The following KIFAP3 variants were observed in gnomAD, a reference collection of about 807,000 sequenced individuals.
KIFAP3 encodes the protein kinesin-associated protein 3.
In KIFAP3, 68 loss-of-function variants were observed where a neutral mutation model predicts 106.5. That is an observed-to-expected ratio of 0.64 (90% CI 0.53 to 0.78). KIFAP3 has a LOEUF of 0.78. KIFAP3 is among the 30% of genes least tolerant of loss of function. The pLI is 0.00. For synonymous variants in KIFAP3, 320 were observed against 311.5 expected (o/e 1.03, Z -0.29); for missense variants, 780 against 941.8 (o/e 0.83, Z 2.25).
At chr1:169,926,483 G>T (rs1392683589) in intron 19 of KIFAP3, among the ~76,000 whole-genome samples, 1 of 152,106 alleles carries the variant, frequency 6.6e-6, no homozygotes, top group Non-Finnish European at 1.5e-5. Context: ...TTACACTATT[G>T]TAGGCTAAAA....
chr1:170,014,429 G>C (rs1668406301), intron 10 of KIFAP3, among the ~76,000 whole-genome samples: 1 of 152,134 alleles, frequency 6.6e-6, no homozygotes, highest in Non-Finnish European at 1.5e-5. Context: ...CTTAGGTAAT[G>C]TTTATTGCTT....
chr1:169,937,383 A>G (rs1663863209), intron 19 of KIFAP3, among the ~76,000 whole-genome samples: 1 of 151,832 alleles, frequency 6.6e-6, no homozygotes, highest in African/African-American at 2.4e-5. Context: ...AAGTAAAATT[A>G]TAAGTATCTT....
intron 10 of KIFAP3, among the ~76,000 whole-genome samples, chr1:170,001,773 A>G (rs1270813164): frequency 1.3e-5 from 2 of 152,194 alleles, no homozygotes; most frequent in Non-Finnish European, 2.9e-5. Context: ...CCTAGTTTCA[A>G]AAAAATGGAA....
chr1:169,945,847 T>C (rs1664414203), intron 19 of KIFAP3, among the ~76,000 whole-genome samples: 1 of 152,204 alleles, frequency 6.6e-6, no homozygotes, highest in Non-Finnish European at 1.5e-5. Flanking sequence ...AGTTTACAAT[T>C]TACTAATGCC....
intron 10 of KIFAP3, among the ~76,000 whole-genome samples, chr1:170,000,740 G>C (rs186850062): frequency 1.3e-4 from 20 of 152,228 alleles, no homozygotes; most frequent in African/African-American, 4.8e-4. Context: ...GTTTAAGACT[G>C]TAACTACATT....
chr1:169,982,112 C>A lies in KIFAP3; in HGVS notation c.1673-15G>T, dbSNP rs771157448. On this transcript the variant is annotated splice_polypyrimidine_tract_variant and intron_variant, in intron 14 of 19. Coordinates refer to ENST00000361580, the MANE Select transcript of KIFAP3 (RefSeq NM_014970.4). ...TTCTGCAGCACCTAGTGAAGTCAAA[C>A]CATAGAAAGTTTTCACTGAAATGTC... 2 of 1,609,502 alleles carry A rather than the reference C, an allele frequency of 1.2e-6. No homozygotes were observed. The highest frequency in any genetic ancestry group is 2.2e-5 in the South Asian group (2 of 89,976).
intron 19 of KIFAP3, among the ~76,000 whole-genome samples, chr1:169,924,770 A>T (rs1663035554): frequency 6.6e-6 from 1 of 152,230 alleles, no homozygotes; most frequent in Non-Finnish European, 1.5e-5. Flanking sequence ...TTTAGTTCAA[A>T]ACCCGGAGAG....
At chr1:170,074,135 A>C (rs1272535447) in intron 1 of KIFAP3, among the ~76,000 whole-genome samples, 3 of 151,948 alleles carry the variant, frequency 2.0e-5, no homozygotes, top group East Asian at 1.9e-4. Flanking sequence ...GAAAAAAAAA[A>C]CAAAAGACGC....
chr1:170,016,468 G>C lies in KIFAP3; in HGVS notation c.1177C>G (p.Leu393Val). The C allele has an allele frequency of 6.2e-7, 1 of 1,601,228 alleles. No homozygotes were observed. The highest frequency in any genetic ancestry group is 1.1e-5 in the South Asian group (1 of 88,510). Residue 393 changes from leucine (L) to valine (V), a missense_variant, in exon 10 of 20, where the codon CTC (leucine) becomes GTC (valine). Leu to Val is a conservative substitution (Grantham distance 32). Around this residue, in one of 3 missense-constraint regions of KIFAP3, gnomAD observed 588 missense variants for 678.9 expected, o/e 0.87. Transcript: ENST00000361580. Reference protein sequence around the residue: ...QVGLLPKLTALLGNDNYKQIA... With the variant: ...QVGLLPKLTAVLGNDNYKQIA... ...TAATTTCTAAAAAGCATACCTAGGA[G>C]TGCAGTGAGCTTGGGAAGCAGTCCA...
chr1:169,923,738 T>G (rs1489439785), intron 19 of KIFAP3, among the ~76,000 whole-genome samples: 1 of 152,222 alleles, frequency 6.6e-6, no homozygotes, highest in Non-Finnish European at 1.5e-5. Context: ...GACGACTTGT[T>G]AGCAATATCA....
At chr1:169,983,459 C>T (rs1233463939) in intron 12 of KIFAP3, 77 bp from the exon 13 acceptor site, 2 of 927,106 alleles carry the variant, frequency 2.2e-6, no homozygotes, top group East Asian at 2.5e-5. Flanking sequence ...TCAAAAAAGC[C>T]ACAACAATTT....
At chr1:169,925,562 A>G (rs1663090325) in intron 19 of KIFAP3, among the ~76,000 whole-genome samples, 1 of 151,968 alleles carries the variant, frequency 6.6e-6, no homozygotes, top group Non-Finnish European at 1.5e-5. Context: ...ATTTTTGCTA[A>G]TATTTGCAAG....
chr1:169,978,405 A>G (rs1666340414), intron 15 of KIFAP3, among the ~76,000 whole-genome samples: 1 of 152,060 alleles, frequency 6.6e-6, no homozygotes, highest in Non-Finnish European at 1.5e-5. Flanking sequence ...TTTGTAAAAT[A>G]AACCTGGTTC....
At chr1:169,946,254 TAACTA>T (rs10608613) in intron 19 of KIFAP3, among the ~76,000 whole-genome samples, 142,037 of 151,908 alleles carry the variant, frequency 0.94, 66,494 homozygotes, top group East Asian at 0.99. Flanking sequence ...TTTAGTGAAC[TAACTA>T]AAGATAATTT....
chr1:169,998,437 C>CA (rs1667495716), intron 10 of KIFAP3, among the ~76,000 whole-genome samples: 8 of 148,576 alleles, frequency 5.4e-5, no homozygotes, highest in African/African-American at 1.3e-4. Context: ...CACACACACA[C>CA]CACACACACT....
chr1:170,014,690 AT>A, intron 10 of KIFAP3, among the ~76,000 whole-genome samples: 1 of 152,230 alleles, frequency 6.6e-6, no homozygotes, highest in South Asian at 2.1e-4. Flanking sequence ...AAGAGAGTAA[AT>A]TTTTTTTAAA....
At chr1:170,064,365 A>T (rs1432399574) in intron 1 of KIFAP3, among the ~76,000 whole-genome samples, 1 of 151,994 alleles carries the variant, frequency 6.6e-6, no homozygotes, top group African/African-American at 2.4e-5. Flanking sequence ...ATGTTACTTT[A>T]TTTTTTGAGA....
chr1:169,955,900 G>A (rs1664990185), intron 18 of KIFAP3, among the ~76,000 whole-genome samples: 1 of 152,018 alleles, frequency 6.6e-6, no homozygotes, highest in Middle Eastern at 3.4e-3. Flanking sequence ...TGAAATCATG[G>A]AAAATGACAA....
At chr1:170,058,622 T>C (rs191853626) in intron 1 of KIFAP3, among the ~76,000 whole-genome samples, 2 of 152,218 alleles carry the variant, frequency 1.3e-5, no homozygotes, top group Admixed American at 1.3e-4. Flanking sequence ...AAGTACAAAA[T>C]GGAAATCTAC....
Sources: gnomAD v4.1 joint callset for allele counts (sites outside exome capture counted in the v4.1 genomes callset) on GRCh38, gnomAD v4.1.1 for gene constraint, gnomAD v4.1.1 regional missense constraint, MANE v1.5 for transcripts, NCBI Gene and HGNC (gene_info 2026-07-23, HGNC 2026-07-21) for gene names.